DGKH: variants seen among roughly 807,000 people sequenced by gnomAD.
DGKH encodes diacylglycerol kinase eta.
A neutral mutation model predicts 159.3 loss-of-function variants in DGKH; 90 were observed. The ratio of observed to expected loss-of-function variants is 0.57; its 90% CI spans 0.48 to 0.67. DGKH has a LOEUF of 0.67. Among genes scored for constraint, DGKH ranks in the 30% least tolerant of loss-of-function variants. DGKH has a pLI of 0.00. For synonymous variants in DGKH, 536 were observed against 553.8 expected, an observed-to-expected ratio of 0.97 and a Z score of 0.45; for missense variants, 1,181 against 1,506.1, an observed-to-expected ratio of 0.78 and a Z score of 3.57.
At position 42,174,045 on chromosome 13, in the gene DGKH, T is replaced by A. The variant is rs752237489; in HGVS notation, c.1368-15T>A. On this transcript the variant is annotated splice_polypyrimidine_tract_variant and intron_variant, in intron 11 of 29. Transcript: ENST00000337343. The stretch of plus-strand genomic sequence containing the variant: ...TTTAAGGAAATCTTTGACCAAAGAG[T>A]TTTTCTCCCTTCAGGTGGAGTATAA... 5 of 1,603,666 alleles carry A rather than the reference T, an allele frequency of 3.1e-6. No individual in the cohort carries two copies. Among genetic ancestry groups the A allele is most frequent in the Non-Finnish European group, 4.3e-6 (5 of 1,175,672 alleles).
downstream of DGKH, among the ~76,000 whole-genome samples, chr13:42,244,173 T>A (rs1488175272): frequency 6.6e-6 from 1 of 152,148 alleles, no homozygotes; most frequent in Non-Finnish European, 1.5e-5. Context: ...TACATCATGT[T>A]GGAGAGAGGT....
chr13:42,173,787 C>T (rs1956526572), intron 11 of DGKH, among the ~76,000 whole-genome samples: 1 of 151,996 alleles, frequency 6.6e-6, no homozygotes, highest in Non-Finnish European at 1.5e-5. Flanking sequence ...TTATTGTGGG[C>T]TATGGGTCTT....
At chr13:42,107,536 TGGAG>T (rs1594036790) in intron 1 of DGKH, among the ~76,000 whole-genome samples, 1 of 152,152 alleles carries the variant, frequency 6.6e-6, no homozygotes, top group Admixed American at 6.5e-5. Context: ...GAAACAATTC[TGGAG>T]GGAGGGAGGG....
intron 12 of DGKH, among the ~76,000 whole-genome samples, chr13:42,175,023 G>C (rs570336484): frequency 6.0e-4 from 92 of 152,332 alleles, no homozygotes; most frequent in African/African-American, 2.2e-3. Context: ...AAGCGGTGTA[G>C]ATTTAAAACA....
At chr13:42,056,895 C>T (rs544823311) in intron 1 of DGKH, among the ~76,000 whole-genome samples, 10 of 152,188 alleles carry the variant, frequency 6.6e-5, no homozygotes, top group East Asian at 3.9e-4. Context: ...TGCCTTTATT[C>T]GTTTGTTTAA....
At chr13:42,256,390 A>G in exon 31 of DGKH, 1 of 1,580,744 alleles carries the variant, frequency 6.3e-7, no homozygotes, top group Non-Finnish European at 8.7e-7. Flanking sequence ...ATCCTCGTAT[A>G]GCGTATGACA....
At chr13:42,137,269 G>T (rs1246334113) in intron 3 of DGKH, among the ~76,000 whole-genome samples, 1 of 152,108 alleles carries the variant, frequency 6.6e-6, no homozygotes, top group Non-Finnish European at 1.5e-5. Flanking sequence ...CACACAAAAG[G>T]TATTTAGATT....
At chr13:42,160,520 T>A (rs187584482) in intron 7 of DGKH, among the ~76,000 whole-genome samples, 38 of 152,316 alleles carry the variant, frequency 2.5e-4, no homozygotes, top group African/African-American at 8.9e-4. Flanking sequence ...ACCCTACCAG[T>A]GCTCTCTGAC....
chr13:42,089,355 G>C (rs1954370119), intron 1 of DGKH, among the ~76,000 whole-genome samples: 1 of 152,110 alleles, frequency 6.6e-6, no homozygotes, highest in African/African-American at 2.4e-5. Context: ...AGATAATAAA[G>C]TATTAATAAA....
At chr13:42,129,776 CTG>C (rs1955251331) in intron 3 of DGKH, 144 bp downstream of exon 3, 3 of 629,348 alleles carry the variant, frequency 4.8e-6, no homozygotes, top group Non-Finnish European at 8.0e-6. Flanking sequence ...TTTAAATACA[CTG>C]TATATTCTAA....
intron 1 of DGKH, among the ~76,000 whole-genome samples, chr13:42,054,692 A>G (rs905732003): frequency 3.9e-5 from 6 of 152,234 alleles, no homozygotes; most frequent in African/African-American, 1.4e-4. Flanking sequence ...GACTGTAGTA[A>G]TAATAAAGCA....
intron 3 of DGKH, among the ~76,000 whole-genome samples, chr13:42,146,792 A>G (rs1010479853): frequency 6.6e-6 from 1 of 152,256 alleles, no homozygotes; most frequent in African/African-American, 2.4e-5. Flanking sequence ...AAGAAGATAA[A>G]TAGTTGCCTT....
At chr13:42,040,504 G>A (rs1042247847) in intron 1 of DGKH, among the ~76,000 whole-genome samples, 1 of 151,718 alleles carries the variant, frequency 6.6e-6, no homozygotes, top group African/African-American at 2.4e-5. Context: ...GAGGGGCGGC[G>A]GGGGGGAGGG....
chr13:42,084,944 A>G (rs924924924), intron 1 of DGKH, among the ~76,000 whole-genome samples: 6 of 151,978 alleles, frequency 3.9e-5, no homozygotes, highest in Non-Finnish European at 7.4e-5. Flanking sequence ...AATTAATCCT[A>G]TAAATAGATA....
chr13:42,101,570 T>G (rs1464360989), intron 1 of DGKH, among the ~76,000 whole-genome samples: 1 of 152,282 alleles, frequency 6.6e-6, no homozygotes, highest in South Asian at 2.1e-4. Flanking sequence ...TGTTGGACAG[T>G]GCTGGTCATG....
intron 1 of DGKH, among the ~76,000 whole-genome samples, chr13:42,120,719 C>T (rs1955050816): frequency 6.6e-6 from 1 of 152,026 alleles, no homozygotes. Context: ...AACACTAATC[C>T]AATTTACTGT....
intron 1 of DGKH, among the ~76,000 whole-genome samples, chr13:42,117,080 A>G (rs1312237302): frequency 6.6e-6 from 1 of 152,238 alleles, no homozygotes; most frequent in Admixed American, 6.5e-5. Flanking sequence ...GGCAGTTAAT[A>G]CAAATGTTTC....
intron 1 of DGKH, among the ~76,000 whole-genome samples, chr13:42,077,826 G>A (rs1423329780): frequency 1.3e-5 from 2 of 152,170 alleles, no homozygotes; most frequent in Admixed American, 6.5e-5. Context: ...CAGCTATAAT[G>A]TGAGCTGCAA....
chr13:42,247,083 G>A (rs1009034362), downstream of DGKH, among the ~76,000 whole-genome samples: 1 of 152,102 alleles, frequency 6.6e-6, no homozygotes, highest in African/African-American at 2.4e-5. Flanking sequence ...TTACTCTCAT[G>A]TTTGTGGTGT....
Sources: gnomAD v4.1 joint callset for allele counts (sites outside exome capture counted in the v4.1 genomes callset) on GRCh38, gnomAD v4.1.1 for gene constraint, MANE v1.5 for transcripts, NCBI Gene and HGNC (gene_info 2026-07-23, HGNC 2026-07-21) for gene names.